Variants in SLF2 observed in about 807,000 individuals in gnomAD.
The protein encoded by SLF2 is SMC5/6 complex localization factor 2.
Under a neutral mutation model 124.3 loss-of-function variants are expected in SLF2, and 68 were observed. That is an observed-to-expected ratio of 0.55 (90% CI 0.45 to 0.67). SLF2 has a LOEUF of 0.67. Ranked by LOEUF, SLF2 falls within the 30% of genes least tolerant of loss-of-function variation. The pLI, the probability that SLF2 is intolerant of heterozygous loss-of-function variation, is 0.00. For synonymous variants in SLF2, 480 were observed against 478.8 expected, an observed-to-expected ratio of 1.00 and a Z score of -0.03; for missense variants, 1,246 against 1,373.7, an observed-to-expected ratio of 0.91 and a Z score of 1.47.
chr10:100,938,596 T>C lies in SLF2; in HGVS notation c.2514T>C (p.Asp838=), dbSNP rs769289407. The stretch of plus-strand genomic sequence containing the variant: ...GAAATGTTTTCTTCTGTTAATTAGA[T>C]ACCTTCAGTGACTCACCAGTTTGGC... ...STLMEITIRN[D]TFSDSPVWPW... Residue 838 remains aspartate, a splice_region_variant and synonymous_variant, in exon 11 of 20, where the codon GAT becomes GAC. Transcript: ENST00000238961. The C allele has an allele frequency of 6.2e-7, 1 of 1,605,974 alleles. No individual in the cohort carries two copies. Among genetic ancestry groups the C allele is most frequent in the Non-Finnish European group, 8.5e-7 (1 of 1,177,686 alleles).
chr10:100,929,992 T>G lies in SLF2; in HGVS notation c.2328T>G (p.Ile776Met). ...FIGQSAVEKL[I>M]LKSGKTDQIF... ...GACAAAGTGCTGTAGAAAAACTTAT[T>G]CTTAAGTAAGTAGAAAAATAGACAT... is the stretch of plus-strand genomic sequence containing the variant. The change falls in exon 8 of 20, where the codon ATT (isoleucine) becomes ATG (methionine). Residue 776 changes from isoleucine to methionine, a missense_variant. Ile to Met is a conservative substitution (Grantham distance 10). Around this residue, in one of 3 missense-constraint regions of SLF2, gnomAD observed 535 missense variants for 632.8 expected, o/e 0.85. Coordinates refer to ENST00000238961, the MANE Select transcript of SLF2 (RefSeq NM_018121.4). 1 of 1,514,730 alleles carries G rather than the reference T, an allele frequency of 6.6e-7. No homozygotes were observed. Among genetic ancestry groups the G allele is most frequent in the Non-Finnish European group, 8.9e-7 (1 of 1,129,688 alleles). 93.8% of individuals were successfully genotyped at this position (1,514,730 alleles called of 1,614,324 possible).
Position 100,917,196 on chromosome 10 carries a change from A to G in SLF2, c.811A>G (p.Ser271Gly), listed in dbSNP as rs752352367. The change falls in exon 3 of 20, where the codon AGC becomes GGC. Residue 271 changes from serine (S) to glycine (G), a missense_variant. By Grantham distance (56) the Ser-to-Gly change is moderately conservative. Transcript: ENST00000238961. ...INSENSFSEA[S>G]SLSLKSSIER... is the part of the protein sequence containing the mutation. ...CTCCGAGAATTCTTTCTCAGAAGCA[A>G]GCAGTCTTTCCTTAAAATCTAGTAT... is the stretch of plus-strand genomic sequence containing the variant. The G allele has an allele frequency of 6.2e-7, 1 of 1,614,234 alleles. No homozygotes were observed. The highest frequency in any genetic ancestry group is 8.5e-7 in the Non-Finnish European group (1 of 1,180,050).
In SLF2 at chr10:100,924,698, TCCCAAG is replaced by T. The variant is rs1387322282; in HGVS notation, c.1701_1706del (p.Ser568_Pro569del). On this transcript the variant is annotated inframe_deletion, in exon 5 of 20. Transcript: ENST00000238961. ...GCTGCTTTGGAAGTTGTGCCATGTA[TCCCAAG>T]CCCTGCAGCACCTTCAGATAAAGCC... The T allele has an allele frequency of 1.2e-6, 2 of 1,614,150 alleles. No homozygotes were observed. The highest frequency in any genetic ancestry group is 2.7e-5 in the African/African-American group (2 of 75,040).
At position 100,917,009 on chromosome 10, in the gene SLF2, C is replaced by T. The variant is rs1290291874; in HGVS notation, c.624C>T (p.Ile208=). The T allele has an allele frequency of 6.2e-7, 1 of 1,614,180 alleles. No homozygotes were observed. The highest frequency in any genetic ancestry group is 1.1e-5 in the South Asian group (1 of 91,086). The change falls in exon 3 of 20, where the codon ATC becomes ATT. Residue 208 remains isoleucine (I), a synonymous_variant. Coordinates refer to ENST00000238961, the MANE Select transcript of SLF2 (RefSeq NM_018121.4). The part of the protein sequence containing the change: ...KKQTTVAEAD[I]FNNSSRSLSS... Reference sequence around the variant, plus strand: ...AGACCACAGTGGCAGAAGCTGACATCTTCAATAACAGCTCCAGAAGCCTTA... The same window carrying T: ...AGACCACAGTGGCAGAAGCTGACATTTTCAATAACAGCTCCAGAAGCCTTA...
intron 18 of SLF2, among the ~76,000 whole-genome samples, chr10:100,958,312 C>G (rs1389838533): frequency 1.3e-4 from 20 of 152,028 alleles, no homozygotes; most frequent in Admixed American, 1.2e-3. Context: ...AAGTTAAATA[C>G]AAAAATAAGC....
At chr10:100,935,140 A>G (rs1849819374) in intron 9 of SLF2, among the ~76,000 whole-genome samples, 1 of 152,130 alleles carries the variant, frequency 6.6e-6, no homozygotes, top group Admixed American at 6.5e-5. Flanking sequence ...TCATGCCTGT[A>G]ATCCCAGCAC....
chr10:100,918,202 T>G (rs1849457874), intron 3 of SLF2, among the ~76,000 whole-genome samples, 182 bp from the exon 4 acceptor site: 1 of 152,242 alleles, frequency 6.6e-6, no homozygotes, highest in Non-Finnish European at 1.5e-5. Context: ...CAAATGCCCT[T>G]AATTTTTATG....
chr10:100,951,959 A>T (rs1850223030), intron 17 of SLF2, among the ~76,000 whole-genome samples: 2 of 152,180 alleles, frequency 1.3e-5, no homozygotes, highest in Admixed American at 1.3e-4. Context: ...CTTAGGTCGG[A>T]CATGCCGGGC....
rs1399121288 is a variant in SLF2, at chr10:100,962,345, T to G, written c.*433T>G. ...ATGGAAAGCAAGACCAAGTTCCAGT[T>G]GGGTTTAATTTTCCCTCTTGGTTAT... On this transcript the variant is annotated 3_prime_UTR_variant, in exon 20 of 20. Coordinates refer to ENST00000238961, the MANE Select transcript of SLF2 (RefSeq NM_018121.4). 6.5e-6 allele frequency: 1 copy of G among 153,068 alleles called. No individual in the cohort carries two copies. The highest frequency in any genetic ancestry group is 1.5e-5 in the Non-Finnish European group (1 of 68,702). The allele number at this position is 153,068 out of a possible 1,614,324, so 9.5% of individuals were successfully genotyped here.
intron 17 of SLF2, among the ~76,000 whole-genome samples, chr10:100,954,325 T>C (rs911774711): frequency 3.3e-5 from 5 of 152,154 alleles, no homozygotes; most frequent in African/African-American, 1.2e-4. Flanking sequence ...GAAACCTTTA[T>C]TGATAAACAG....
At chr10:100,954,869 C>T (rs1001771125) in intron 17 of SLF2, among the ~76,000 whole-genome samples, 2 of 151,990 alleles carry the variant, frequency 1.3e-5, no homozygotes, top group African/African-American at 4.8e-5. Flanking sequence ...TTACTTGAGC[C>T]TATGAGTTCA....
At position 100,938,707 on chromosome 10, in the gene SLF2, T is replaced by G; in HGVS notation, c.2625T>G (p.Leu875=). 6.2e-7 allele frequency: 1 copy of G among 1,612,834 alleles called. No homozygotes were observed. The highest frequency in any genetic ancestry group is 8.5e-7 in the Non-Finnish European group (1 of 1,179,690). ...DFRSLFPLEN[L]QPDFNEDYLV... ...GATCTTTGTTTCCCCTGGAGAATCT[T>G]CAGCCAGACTTTAATGAAGACTATC... The change falls in exon 11 of 20, where the codon CTT becomes CTG. Residue 875 remains leucine, a synonymous_variant. Coordinates refer to ENST00000238961, the MANE Select transcript of SLF2 (RefSeq NM_018121.4).
intron 2 of SLF2, 110 bp downstream of exon 2, chr10:100,916,152 A>G: frequency 1.3e-6 from 1 of 773,702 alleles, no homozygotes; most frequent in Non-Finnish European, 2.0e-6. Flanking sequence ...AGTGTTCAAA[A>G]TTGAAAATAA....
chr10:100,920,890 AGTGAGCTGAGATGGTGCCACTG>A (rs1849512257), intron 4 of SLF2, among the ~76,000 whole-genome samples: 1 of 152,226 alleles, frequency 6.6e-6, no homozygotes, highest in Middle Eastern at 3.2e-3. Flanking sequence ...TGGAGGTTGC[AGTGAGCTGAGATGGTGCCACTG>A]CACTCCAGCC....
In SLF2 at chr10:100,924,653, C is replaced by T; in HGVS notation, c.1652C>T (p.Thr551Ile). 6.2e-7 allele frequency: 1 copy of T among 1,614,086 alleles called. No homozygotes were observed. Among genetic ancestry groups the T allele is most frequent in the Non-Finnish European group, 8.5e-7 (1 of 1,180,016 alleles). ...SGGPLRSEYG[T>I]PTKSPPAALE... ...GGACCTTTGCGCTCAGAATATGGCA[C>T]TCCTACAAAGTCTCCCCCTGCTGCT... The change falls in exon 5 of 20, where the codon ACT becomes ATT. Residue 551 changes from threonine (T) to isoleucine (I), a missense_variant. Around this residue, in one of 3 missense-constraint regions of SLF2, gnomAD observed 698 missense variants for 708.9 expected, o/e 0.98. Transcript: ENST00000238961.
intron 19 of SLF2, among the ~76,000 whole-genome samples, chr10:100,959,859 CAT>C (rs1850397344): frequency 6.6e-6 from 1 of 152,092 alleles, no homozygotes; most frequent in African/African-American, 2.4e-5. Flanking sequence ...ATAACATCAC[CAT>C]AGTCTAATTT....
At chr10:100,946,015 C>G (rs1000642584) in intron 13 of SLF2, among the ~76,000 whole-genome samples, 4 of 152,256 alleles carry the variant, frequency 2.6e-5, no homozygotes, top group African/African-American at 7.2e-5. Context: ...GTGAGTCATA[C>G]CTACAACCAG....
chr10:100,929,955 C>G lies in SLF2; in HGVS notation c.2291C>G (p.Ser764Cys). 6.4e-7 allele frequency: 1 copy of G among 1,559,602 alleles called. No individual in the cohort carries two copies. The highest frequency in any genetic ancestry group is 8.7e-7 in the Non-Finnish European group (1 of 1,155,840). Residue 764 changes from serine (S) to cysteine (C), a missense_variant, in exon 8 of 20, where the codon TCT becomes TGT. Ser to Cys is a moderately radical substitution (Grantham distance 112, BLOSUM62 -1). Around this residue, in one of 3 missense-constraint regions of SLF2, gnomAD observed 535 missense variants for 632.8 expected, o/e 0.85. Coordinates refer to ENST00000238961, the MANE Select transcript of SLF2 (RefSeq NM_018121.4). ...FNQYTLDLRD[S>C]GFIGQSAVEK... Reference sequence around the variant, plus strand: ...CAGTATACCTTGGATTTAAGAGACTCTGGTTTTATTGGACAAAGTGCTGTA... The same window carrying G: ...CAGTATACCTTGGATTTAAGAGACTGTGGTTTTATTGGACAAAGTGCTGTA...
At position 100,916,132 on chromosome 10, in the gene SLF2, T is replaced by C. The variant is rs1849408509; in HGVS notation, c.184+90T>C. 4.5e-6 allele frequency: 4 copies of C among 887,532 alleles called. No individual in the cohort carries two copies. In the South Asian group the frequency reaches 6.2e-5, roughly 14 times the overall value. 55.0% of individuals were successfully genotyped at this position (887,532 alleles called of 1,614,324 possible). A position where few individuals can be genotyped will look rare whatever the true frequency, so the allele number is the denominator to read the frequency against. On this transcript the variant is annotated intron_variant, in intron 2 of 19. Transcript: ENST00000238961. ...CTTTAAAACCTACTCTAAACTGTTT[T>C]AGTAAACGTAGTGTTCAAAATTGAA...
Sources: allele counts gnomAD v4.1 joint callset (sites outside exome capture counted in the v4.1 genomes callset), GRCh38; gene constraint gnomAD v4.1.1; regional missense constraint gnomAD v4.1.1; transcripts MANE v1.5; gene names NCBI Gene and HGNC (gene_info 2026-07-23, HGNC 2026-07-21).